KCNIP3: variants seen among roughly 807,000 people sequenced by gnomAD.
KCNIP3 encodes calsenilin.
Under a neutral mutation model 35.0 loss-of-function variants are expected in KCNIP3, and 28 were observed. The observed-to-expected ratio is 0.80, with a 90% CI of 0.59 to 1.10. The LOEUF (loss-of-function observed/expected upper bound fraction) is 1.10. Ranked by LOEUF, KCNIP3 falls within the 50% of genes least tolerant of loss-of-function variation. KCNIP3 has a pLI of 0.00. For synonymous variants in KCNIP3, 134 were observed against 133.8 expected (o/e 1.00, Z -0.01); for missense variants, 295 against 338.4 (o/e 0.87, Z 1.01).
In KCNIP3 at chr2:95,310,402, C is replaced by T. The variant is rs1175777960; in HGVS notation, c.63C>T (p.His21=). 6.2e-7 allele frequency: 1 copy of T among 1,613,376 alleles called. No homozygotes were observed. The highest frequency in any genetic ancestry group is 1.3e-5 in the African/African-American group (1 of 74,926). Residue 21 remains histidine (H), a synonymous_variant, in exon 2 of 9, where the codon CAC becomes CAT. Transcript: ENST00000295225. ...GCAGCCTCCTGGGGGACCTCGGGCA[C>T]ACACCACTTAGCAAGAAGGAGGGTA... ...SDGSLLGDLG[H]TPLSKKEGIK...
chr2:95,322,585 C>A (rs1300501549), intron 2 of KCNIP3, among the ~76,000 whole-genome samples: 1 of 152,124 alleles, frequency 6.6e-6, no homozygotes, highest in African/African-American at 2.4e-5. Context: ...GCAGTGCTGC[C>A]CCTGGCCACA....
At chr2:95,373,070 G>T (rs1400959286) in intron 2 of KCNIP3, among the ~76,000 whole-genome samples, 1 of 152,220 alleles carries the variant, frequency 6.6e-6, no homozygotes, top group Admixed American at 6.5e-5. Flanking sequence ...TCACTGTGCA[G>T]TGGGAGAGGC....
intron 2 of KCNIP3, among the ~76,000 whole-genome samples, chr2:95,316,262 C>T (rs1237194975): frequency 6.6e-6 from 1 of 152,278 alleles, no homozygotes; most frequent in African/African-American, 2.4e-5. Flanking sequence ...ACCTGCGGAA[C>T]AGCCTCTGAG....
chr2:95,338,462 G>C (rs1679114453), intron 2 of KCNIP3, among the ~76,000 whole-genome samples: 1 of 152,154 alleles, frequency 6.6e-6, no homozygotes, highest in East Asian at 1.9e-4. Flanking sequence ...TGAGGAGGGA[G>C]AAATGGCAAC....
intron 2 of KCNIP3, among the ~76,000 whole-genome samples, chr2:95,345,103 T>C (rs1679313987): frequency 6.6e-6 from 1 of 152,226 alleles, no homozygotes. Flanking sequence ...AAGCTATGCA[T>C]TTACAGTTCT....
chr2:95,355,451 T>A (rs1416134166), intron 2 of KCNIP3, among the ~76,000 whole-genome samples: 2 of 152,176 alleles, frequency 1.3e-5, no homozygotes, highest in African/African-American at 2.4e-5. Flanking sequence ...ACTCATCAAC[T>A]CATCATTTAC....
At chr2:95,305,520 G>A (rs1325753023) in intron 1 of KCNIP3, among the ~76,000 whole-genome samples, 1 of 152,070 alleles carries the variant, frequency 6.6e-6, no homozygotes, top group Admixed American at 6.5e-5. Context: ...ACTCATTTCC[G>A]TGTGCATTTT....
At chr2:95,315,324 T>C (rs1365546911) in intron 2 of KCNIP3, among the ~76,000 whole-genome samples, 1 of 152,152 alleles carries the variant, frequency 6.6e-6, no homozygotes, top group Non-Finnish European at 1.5e-5. Context: ...TTATTGAATC[T>C]ACGGTGTTTC....
In KCNIP3 at chr2:95,374,490, A is replaced by G. The variant is rs1680123137; in HGVS notation, c.306+70A>G. 3.8e-6 allele frequency: 6 copies of G among 1,561,062 alleles called. No individual in the cohort carries two copies. In the African/African-American group the frequency reaches 4.1e-5, roughly 11 times the overall value. On this transcript the variant is annotated intron_variant, in intron 3 of 8. Transcript: ENST00000295225. The stretch of plus-strand genomic sequence containing the variant: ...CTCAGGGAGACCTGGAAACTTCTCC[A>G]TGCCACAGTAAATATCCCAGGGGCC...
At position 95,384,112 on chromosome 2, in the gene KCNIP3, A is replaced by G; in HGVS notation, c.*63A>G. 6.8e-7 allele frequency: 1 copy of G among 1,475,906 alleles called. No homozygotes were observed. The highest frequency in any genetic ancestry group is 1.1e-5 in the South Asian group (1 of 88,200). The allele number at this position is 1,475,906 out of a possible 1,614,324, so 91.4% of individuals were successfully genotyped here. A position where few individuals can be genotyped will look rare whatever the true frequency, so the allele number is the denominator to read the frequency against. On this transcript the variant is annotated 3_prime_UTR_variant, in exon 9 of 9. Transcript: ENST00000295225. ...ACCCCCAAGAAACCTCCATCCTGCCAGGAGCAGCCTCCAAGAAACTTTTAA... is the reference window on the plus strand; with the variant it reads ...ACCCCCAAGAAACCTCCATCCTGCCGGGAGCAGCCTCCAAGAAACTTTTAA...
chr2:95,365,239 G>A (rs1679890138), intron 2 of KCNIP3, among the ~76,000 whole-genome samples: 1 of 142,554 alleles, frequency 7.0e-6, no homozygotes, highest in Admixed American at 7.5e-5. Context: ...TCAGCTCACT[G>A]CAGCCTCCGC....
At chr2:95,329,067 T>A (rs1465593423) in intron 2 of KCNIP3, among the ~76,000 whole-genome samples, 1 of 152,158 alleles carries the variant, frequency 6.6e-6, no homozygotes, top group Non-Finnish European at 1.5e-5. Flanking sequence ...TCACCATGCC[T>A]CTCTTGGCCT....
At chr2:95,371,806 C>CTTTTTTTTTTTTTT (rs71831118) in intron 2 of KCNIP3, among the ~76,000 whole-genome samples, 1 of 136,366 alleles carries the variant, frequency 7.3e-6, no homozygotes, top group Non-Finnish European at 1.6e-5. Flanking sequence ...TATTTTAAAT[C>CTTTTTTTTTTTTTT]TTTTTTTTTT....
chr2:95,381,712 G>A lies in KCNIP3; in HGVS notation c.555+9G>A, dbSNP rs761744003. 6 of 1,588,048 alleles carry A rather than the reference G, an allele frequency of 3.8e-6. No individual in the cohort carries two copies. In the South Asian group the frequency reaches 6.6e-5, roughly 18 times the overall value. On this transcript the variant is annotated intron_variant, in intron 6 of 8. Transcript: ENST00000295225. The stretch of plus-strand genomic sequence containing the variant: ...GCTACATCACCAAAGAGGTAGTAGG[G>A]GGCTGGGGGCAGGGATTGTCCCCTC...
rs1680186063 is a variant in KCNIP3, at chr2:95,376,355, GA to G, written c.447+1149del. Among the ~76,000 whole-genome samples, 1 of 152,220 alleles carries G rather than the reference GA, an allele frequency of 6.6e-6. No individual in the cohort carries two copies. The highest frequency in any genetic ancestry group is 1.5e-5 in the Non-Finnish European group (1 of 68,040). On this transcript the variant is annotated intron_variant, in intron 5 of 8. Coordinates refer to ENST00000295225, the MANE Select transcript of KCNIP3 (RefSeq NM_013434.5). The surrounding 1 kb of genome is among the most constrained non-coding windows in gnomAD (Gnocchi z 4.2). ...GGTGCGAGTGGTTTTTCTTGTTCAG[GA>G]ATGAGATGACTGAGAGGCTCGGCAG...
intron 1 of KCNIP3, among the ~76,000 whole-genome samples, chr2:95,308,933 C>T (rs912497645): frequency 6.6e-6 from 1 of 152,202 alleles, no homozygotes; most frequent in South Asian, 2.1e-4. Flanking sequence ...CAGGACCGTG[C>T]AAAGGTAGCA....
intron 2 of KCNIP3, among the ~76,000 whole-genome samples, chr2:95,320,697 C>G (rs1387503812): frequency 6.6e-6 from 1 of 152,168 alleles, no homozygotes; most frequent in Non-Finnish European, 1.5e-5. Flanking sequence ...CACCACCCGA[C>G]CTCCTCCAGG....
intron 5 of KCNIP3, among the ~76,000 whole-genome samples, chr2:95,375,728 C>T (rs1573520774): frequency 6.6e-6 from 1 of 152,206 alleles, no homozygotes; most frequent in Non-Finnish European, 1.5e-5. Flanking sequence ...GCCTGTCCCC[C>T]ACCCAGACAG....
intron 8 of KCNIP3, 26 bp downstream of exon 8, chr2:95,383,320 C>T: frequency 1.2e-6 from 2 of 1,608,908 alleles, no homozygotes; most frequent in Non-Finnish European, 1.7e-6. Flanking sequence ...GGCTGGGCCA[C>T]AGTTCTCTGC....
Sources: gnomAD v4.1 joint callset for allele counts (sites outside exome capture counted in the v4.1 genomes callset) on GRCh38, gnomAD v4.1.1 for gene constraint, Gnocchi (gnomAD v3.1) non-coding constraint, MANE v1.5 for transcripts, NCBI Gene and HGNC (gene_info 2026-07-23, HGNC 2026-07-21) for gene names.